The following PDS5B variants were observed in gnomAD, a reference collection of about 807,000 sequenced individuals.
PDS5B encodes PDS5 cohesin associated factor B.
In PDS5B, 51 loss-of-function variants were observed where a neutral mutation model predicts 184.1. The ratio of observed to expected loss-of-function variants is 0.28; its 90% CI spans 0.22 to 0.35. PDS5B has a LOEUF of 0.35. Ranked by LOEUF, PDS5B falls within the 10% of genes least tolerant of loss-of-function variation. PDS5B has a pLI of 1.00. For missense variants in PDS5B, 1,180 were observed against 1,723.3 expected, an observed-to-expected ratio of 0.68 and a Z score of 5.58; for synonymous variants, 566 against 569.2, an observed-to-expected ratio of 0.99 and a Z score of 0.08.
chr13:32,717,280 C>A (rs1351692339), intron 19 of PDS5B, among the ~76,000 whole-genome samples: 1 of 151,550 alleles, frequency 6.6e-6, no homozygotes, highest in Non-Finnish European at 1.5e-5. Flanking sequence ...ATTGAGAAAT[C>A]GGATGGTTGC....
intron 17 of PDS5B, among the ~76,000 whole-genome samples, chr13:32,702,994 C>G (rs1951905436): frequency 6.6e-6 from 1 of 152,060 alleles, no homozygotes; most frequent in Non-Finnish European, 1.5e-5. Flanking sequence ...TGCCAGCTTA[C>G]TGGGTATGGG....
At chr13:32,701,290 A>C in intron 16 of PDS5B, 33 bp from the exon 17 acceptor site, 2 of 1,091,808 alleles carry the variant, frequency 1.8e-6, no homozygotes, top group Non-Finnish European at 2.8e-6. Context: ...GTTTAAATGT[A>C]CTTTTGTAAT....
intron 1 of PDS5B, among the ~76,000 whole-genome samples, chr13:32,623,379 T>C (rs572791015): frequency 4.6e-5 from 7 of 152,218 alleles, no homozygotes; most frequent in Non-Finnish European, 8.8e-5. Flanking sequence ...TTAGTAGAAT[T>C]GAGGCCCCTA....
At chr13:32,750,683 A>G (rs1183581378) in intron 24 of PDS5B, among the ~76,000 whole-genome samples, 1 of 152,034 alleles carries the variant, frequency 6.6e-6, no homozygotes, top group Non-Finnish European at 1.5e-5. Flanking sequence ...CTGGGATTAC[A>G]GGTGCCTGCC....
chr13:32,622,759 G>C (rs912836473), intron 1 of PDS5B, among the ~76,000 whole-genome samples: 3 of 151,952 alleles, frequency 2.0e-5, no homozygotes, highest in Admixed American at 2.0e-4. Context: ...TAATCATTTT[G>C]TGATGGCTTC....
intron 19 of PDS5B, among the ~76,000 whole-genome samples, chr13:32,717,083 C>A (rs1337232925): frequency 1.1e-5 from 1 of 88,398 alleles, no homozygotes; most frequent in Non-Finnish European, 2.5e-5. Flanking sequence ...GTCAGCCCCC[C>A]GCCCGGCCAG....
chr13:32,687,720 C>G (rs1951436242), intron 12 of PDS5B, among the ~76,000 whole-genome samples: 1 of 152,094 alleles, frequency 6.6e-6, no homozygotes, highest in African/African-American at 2.4e-5. Flanking sequence ...TGAATATAAT[C>G]TTAATATTTT....
intron 8 of PDS5B, 117 bp downstream of exon 8, chr13:32,673,473 T>C: frequency 2.4e-6 from 2 of 819,092 alleles, no homozygotes; most frequent in Non-Finnish European, 3.7e-6. Context: ...GGGGAAGTAT[T>C]ACTATTATTT....
intron 10 of PDS5B, 26 bp from the exon 11 acceptor site, chr13:32,683,852 C>T (rs1490994158): frequency 1.3e-6 from 2 of 1,504,596 alleles, no homozygotes; most frequent in Non-Finnish European, 1.8e-6. Context: ...TTAAAATTTC[C>T]ACTGTAATAA....
At chr13:32,648,942 A>G (rs1950295152) in intron 2 of PDS5B, 62 bp downstream of exon 2, 16 of 803,234 alleles carry the variant, frequency 2.0e-5, no homozygotes, top group Non-Finnish European at 3.6e-5. Context: ...TGGAAATCAC[A>G]TGGGGCTATA....
chr13:32,588,350 CATT>C (rs2140452606), intron 1 of PDS5B, among the ~76,000 whole-genome samples: 1 of 152,278 alleles, frequency 6.6e-6, no homozygotes, highest in South Asian at 2.1e-4. Flanking sequence ...ATCTTAAGAA[CATT>C]ATTCCTTATA....
At chr13:32,662,474 A>G (rs532739760) in intron 6 of PDS5B, among the ~76,000 whole-genome samples, 1 of 152,266 alleles carries the variant, frequency 6.6e-6, no homozygotes, top group South Asian at 2.1e-4. Flanking sequence ...CAAATTCACT[A>G]TTTGTGTTCC....
intron 1 of PDS5B, among the ~76,000 whole-genome samples, chr13:32,608,531 A>T (rs998276626): frequency 6.6e-6 from 1 of 152,152 alleles, no homozygotes; most frequent in African/African-American, 2.4e-5. Context: ...CTGGTGCTAG[A>T]CTTGAAGTTG....
At chr13:32,612,174 A>C (rs901667228) in intron 1 of PDS5B, among the ~76,000 whole-genome samples, 3 of 152,026 alleles carry the variant, frequency 2.0e-5, no homozygotes, top group African/African-American at 7.2e-5. Flanking sequence ...GACACCTGGA[A>C]TCTTTACCTG....
intron 1 of PDS5B, among the ~76,000 whole-genome samples, chr13:32,635,842 C>T (rs1340521592): frequency 6.7e-6 from 1 of 149,146 alleles, no homozygotes; most frequent in Non-Finnish European, 1.5e-5. Context: ...TATCTCGGCT[C>T]ACTGCAAGCT....
At chr13:32,586,909 C>G (rs1376634289) in intron 1 of PDS5B, among the ~76,000 whole-genome samples, 5 of 142,716 alleles carry the variant, frequency 3.5e-5, no homozygotes, top group African/African-American at 1.3e-4. Flanking sequence ...CCGCTCTGAT[C>G]CCGGCCGGGG....
At chr13:32,729,270 A>G (rs1953018779) in intron 19 of PDS5B, among the ~76,000 whole-genome samples, 2 of 152,218 alleles carry the variant, frequency 1.3e-5, no homozygotes, top group South Asian at 2.1e-4. Flanking sequence ...TGCAAAGGAC[A>G]TGAACTCATT....
At chr13:32,688,902 T>A (rs1045033081) in intron 13 of PDS5B, 1 of 284,972 alleles carries the variant, frequency 3.5e-6, no homozygotes, top group African/African-American at 2.2e-5. Flanking sequence ...ATTCATATTA[T>A]GAAAATACTA....
At chr13:32,691,778 A>T (rs1024437628) in intron 13 of PDS5B, among the ~76,000 whole-genome samples, 1 of 152,080 alleles carries the variant, frequency 6.6e-6, no homozygotes, top group Non-Finnish European at 1.5e-5. Flanking sequence ...CTAGTGTCAA[A>T]TTGTTTTCCA....
Sources: allele counts gnomAD v4.1 joint callset (sites outside exome capture counted in the v4.1 genomes callset), GRCh38; gene constraint gnomAD v4.1.1; transcripts MANE v1.5; gene names NCBI Gene and HGNC (gene_info 2026-07-23, HGNC 2026-07-21).